NEGR1: variants seen among roughly 807,000 people sequenced by gnomAD.
NEGR1 encodes the protein neuronal growth regulator 1.
In NEGR1, 10 loss-of-function variants were observed where a neutral mutation model predicts 40.9. The ratio of observed to expected loss-of-function variants is 0.24; its 90% CI spans 0.15 to 0.42. The LOEUF (loss-of-function observed/expected upper bound fraction) is 0.42. Among genes scored for constraint, NEGR1 ranks in the 10% least tolerant of loss-of-function variants. The pLI, the probability that NEGR1 is intolerant of heterozygous loss-of-function variation, is 1.00. For synonymous variants in NEGR1, 185 were observed against 166.8 expected, an observed-to-expected ratio of 1.11 and a Z score of -0.84; for missense variants, 352 against 438.9, an observed-to-expected ratio of 0.80 and a Z score of 1.77.
chr1:71,723,448 G>A (rs926358419), intron 3 of NEGR1, among the ~76,000 whole-genome samples: 45 of 151,946 alleles, frequency 3.0e-4, no homozygotes, highest in African/African-American at 1.1e-3. Flanking sequence ...AGGGCAAGGG[G>A]CTAGAGAACG....
rs1646256501 is a variant in NEGR1 at position 71,403,097 on chromosome 1, A to G, written c.*4349T>C. The stretch of plus-strand genomic sequence containing the variant: ...TTTTTTATGCTTTGTTGTTTTATCT[A>G]TCACATTGTTCTCATTTATTCAGTT... On this transcript the variant is annotated 3_prime_UTR_variant, in exon 7 of 7. Coordinates refer to ENST00000357731, the MANE Select transcript of NEGR1 (RefSeq NM_173808.3). The G allele has an allele frequency of 2.0e-5, 3 of 152,232 alleles. No homozygotes were observed. Among genetic ancestry groups the G allele is most frequent in the South Asian group, 2.1e-4 (1 of 4,830 alleles). The allele number at this position is 152,232 out of a possible 1,614,324, so 9.4% of individuals were successfully genotyped here.
intron 1 of NEGR1, among the ~76,000 whole-genome samples, chr1:72,027,177 C>T (rs561506904): frequency 1.3e-5 from 2 of 152,234 alleles, no homozygotes; most frequent in Non-Finnish European, 2.9e-5. Context: ...CCACCCGCTT[C>T]GGCCTCCCAA....
chr1:72,109,346 A>G (rs375230288), intron 1 of NEGR1, among the ~76,000 whole-genome samples: 35 of 151,714 alleles, frequency 2.3e-4, no homozygotes, highest in African/African-American at 7.5e-4. Flanking sequence ...AGGAAGAGAA[A>G]GAAGAGTCAT....
At chr1:72,050,181 G>A (rs2100473847) in intron 1 of NEGR1, among the ~76,000 whole-genome samples, 1 of 151,676 alleles carries the variant, frequency 6.6e-6, no homozygotes, top group South Asian at 2.1e-4. Flanking sequence ...AGTATATAAA[G>A]TTAAATTTAA....
intron 4 of NEGR1, among the ~76,000 whole-genome samples, chr1:71,631,298 T>C (rs1650961597): frequency 6.6e-6 from 1 of 151,832 alleles, no homozygotes; most frequent in Non-Finnish European, 1.5e-5. Flanking sequence ...GCACATTCAA[T>C]AGAGAGCCTG....
intron 2 of NEGR1, among the ~76,000 whole-genome samples, chr1:71,839,408 G>C (rs1003151495): frequency 6.6e-6 from 1 of 150,660 alleles, no homozygotes; most frequent in Non-Finnish European, 1.5e-5. Flanking sequence ...ATGGGGTTTC[G>C]CCATATTGGC....
intron 1 of NEGR1, among the ~76,000 whole-genome samples, chr1:72,111,673 C>T (rs1649376928): frequency 6.6e-6 from 1 of 151,580 alleles, no homozygotes; most frequent in Admixed American, 6.6e-5. Context: ...AATTTCTTTC[C>T]TTTTCGAAAT....
intron 1 of NEGR1, among the ~76,000 whole-genome samples, chr1:72,193,671 T>C (rs1444252418): frequency 1.3e-5 from 2 of 151,408 alleles, no homozygotes; most frequent in African/African-American, 2.4e-5. Flanking sequence ...TTTCATATTA[T>C]ATATTCATTT....
chr1:72,055,080 C>A (rs1482711295), intron 1 of NEGR1, among the ~76,000 whole-genome samples: 1 of 151,048 alleles, frequency 6.6e-6, no homozygotes, highest in African/African-American at 2.4e-5. Flanking sequence ...GTGACGTAGA[C>A]CACATGTTTT....
rs938881106 is a variant in NEGR1, at chr1:71,673,725, T to C, written c.667+24283A>G. 6.6e-5 allele frequency among the ~76,000 whole-genome samples: 10 copies of C among 152,176 alleles called. No individual in the cohort carries two copies. In the East Asian group the frequency reaches 1.9e-3, roughly 29 times the overall value. ...ATGTTACATTTAACTTGTGACAATA[T>C]GTGAAGCAATCAAATCAATGCTTAT... On this transcript the variant is annotated intron_variant, in intron 4 of 6. Transcript: ENST00000357731.
intron 1 of NEGR1, among the ~76,000 whole-genome samples, chr1:72,151,421 T>G (rs918262515): frequency 1.3e-5 from 2 of 151,748 alleles, no homozygotes; most frequent in Non-Finnish European, 3.0e-5. Flanking sequence ...GAATTTACAC[T>G]CAATAGGTTT....
intron 6 of NEGR1, among the ~76,000 whole-genome samples, chr1:71,490,969 T>C (rs1355109850): frequency 6.6e-6 from 1 of 152,006 alleles, no homozygotes; most frequent in Non-Finnish European, 1.5e-5. Context: ...AGCATCTTAA[T>C]GATACACATA....
intron 1 of NEGR1, among the ~76,000 whole-genome samples, chr1:72,183,886 A>G (rs1570093969): frequency 6.6e-6 from 1 of 152,086 alleles, no homozygotes; most frequent in East Asian, 1.9e-4. Context: ...ATATTTTTTT[A>G]ATGGAAAATA....
chr1:71,556,680 CA>C (rs1040126889), intron 6 of NEGR1, among the ~76,000 whole-genome samples: 1 of 150,956 alleles, frequency 6.6e-6, no homozygotes, highest in African/African-American at 2.4e-5. Context: ...CATGGAGACA[CA>C]AAAACTCACT....
At position 71,404,165 on chromosome 1, in the gene NEGR1, T is replaced by A. The variant is rs1223227464; in HGVS notation, c.*3281A>T. ...GTAGGGGTATTTATATATATATATA[T>A]TTTTTTTTTTCCCTGAATTACCTGG... On this transcript the variant is annotated 3_prime_UTR_variant, in exon 7 of 7. Transcript: ENST00000357731. The A allele has an allele frequency of 7.0e-6, 1 of 142,492 alleles. No homozygotes were observed. Among genetic ancestry groups the A allele is most frequent in the African/African-American group, 2.7e-5 (1 of 37,392 alleles). 8.8% of individuals were successfully genotyped at this position (142,492 alleles called of 1,614,324 possible).
intron 1 of NEGR1, among the ~76,000 whole-genome samples, chr1:72,047,790 A>G (rs1177082423): frequency 6.6e-6 from 1 of 151,528 alleles, no homozygotes; most frequent in Non-Finnish European, 1.5e-5. Context: ...GTAACATCCT[A>G]ATAAGCATTT....
At chr1:71,780,040 C>CAAAAAAAAAAAAAAAAAAAA (rs57576840) in intron 2 of NEGR1, among the ~76,000 whole-genome samples, 11 of 99,734 alleles carry the variant, frequency 1.1e-4, no homozygotes, top group Non-Finnish European at 1.4e-4. Context: ...ATAGGAAAAC[C>CAAAAAAAAAAAAAAAAAAAA]AAAAAAAAAA....
intron 2 of NEGR1, among the ~76,000 whole-genome samples, chr1:71,815,538 C>T (rs909193453): frequency 6.6e-6 from 1 of 151,872 alleles, no homozygotes; most frequent in Non-Finnish European, 1.5e-5. Context: ...TGTGTGGGAA[C>T]CTAAGTCTCT....
intron 2 of NEGR1, among the ~76,000 whole-genome samples, chr1:71,786,503 C>T (rs542611387): frequency 6.6e-6 from 1 of 152,222 alleles, no homozygotes; most frequent in East Asian, 1.9e-4. Flanking sequence ...TTACGGGAAA[C>T]ATGTCTAAAA....
Sources: allele counts gnomAD v4.1 joint callset (sites outside exome capture counted in the v4.1 genomes callset), GRCh38; gene constraint gnomAD v4.1.1; transcripts MANE v1.5; gene names NCBI Gene and HGNC (gene_info 2026-07-23, HGNC 2026-07-21).